The following TSHZ2 variants were observed in gnomAD, a reference collection of about 807,000 sequenced individuals.
The protein encoded by TSHZ2 is teashirt homolog 2.
In TSHZ2, 21 loss-of-function variants were observed where a neutral mutation model predicts 74.4. The ratio of observed to expected loss-of-function variants is 0.28; its 90% confidence interval spans 0.20 to 0.41. The LOEUF is 0.41. Ranked by LOEUF, TSHZ2 falls within the 10% of genes least tolerant of loss-of-function variation. TSHZ2 has a pLI of 1.00. For synonymous variants in TSHZ2, 540 were observed against 515.3 expected (o/e 1.05, Z -0.65); for missense variants, 1,244 against 1,293.5 (o/e 0.96, Z 0.59).
intron 1 of TSHZ2, among the ~76,000 whole-genome samples, chr20:53,013,002 A>G (rs1982909696): frequency 6.6e-6 from 1 of 152,210 alleles, no homozygotes; most frequent in Non-Finnish European, 1.5e-5. Flanking sequence ...CTATCCCTTT[A>G]TGATCTCAGA....
At chr20:53,428,508 A>C (rs1983731356) in intron 2 of TSHZ2, among the ~76,000 whole-genome samples, 1 of 152,192 alleles carries the variant, frequency 6.6e-6, no homozygotes, top group Non-Finnish European at 1.5e-5. Context: ...AACAATTTCC[A>C]AGTGTGGTCT....
chr20:53,348,534 G>A (rs879681346), intron 2 of TSHZ2, among the ~76,000 whole-genome samples: 10 of 125,834 alleles, frequency 7.9e-5, no homozygotes, highest in Non-Finnish European at 1.5e-4. Context: ...GAAAAAAAAA[G>A]AAAAGAAAAA....
chr20:53,312,354 A>G (rs985191572), intron 2 of TSHZ2, among the ~76,000 whole-genome samples: 1 of 152,188 alleles, frequency 6.6e-6, no homozygotes, highest in Non-Finnish European at 1.5e-5. Flanking sequence ...GAAATCTGCC[A>G]CCAGCATGTC....
intron 1 of TSHZ2, among the ~76,000 whole-genome samples, chr20:52,991,859 T>A (rs1278475304): frequency 1.3e-5 from 2 of 151,696 alleles, no homozygotes; most frequent in Non-Finnish European, 2.9e-5. Context: ...GTGGTGGACC[T>A]GGCATGTTCA....
intron 2 of TSHZ2, among the ~76,000 whole-genome samples, chr20:53,359,806 G>C (rs562422873): frequency 6.6e-6 from 1 of 152,206 alleles, no homozygotes; most frequent in African/African-American, 2.4e-5. Context: ...GGAGGGCTTC[G>C]AGCCAGGCTA....
intron 2 of TSHZ2, among the ~76,000 whole-genome samples, chr20:53,331,827 C>T (rs767072640): frequency 6.6e-6 from 1 of 152,006 alleles, no homozygotes; most frequent in Non-Finnish European, 1.5e-5. Flanking sequence ...TTCCTGGTGG[C>T]GGCAGAGCTC....
intron 2 of TSHZ2, among the ~76,000 whole-genome samples, chr20:53,458,873 TTGAG>T (rs1485732021): frequency 6.6e-6 from 1 of 152,122 alleles, no homozygotes; most frequent in African/African-American, 2.4e-5. Flanking sequence ...TTGAGCGGTT[TTGAG>T]TGAGATTCTT....
At chr20:53,447,331 A>G (rs1163769223) in intron 2 of TSHZ2, among the ~76,000 whole-genome samples, 2 of 152,204 alleles carry the variant, frequency 1.3e-5, no homozygotes, top group African/African-American at 2.4e-5. Context: ...CACTTAATAA[A>G]TCCCATGGAA....
chr20:53,446,579 A>G lies in TSHZ2; in HGVS notation c.*9-40565A>G, dbSNP rs1481184933. Among the ~76,000 whole-genome samples, 3 of 34,274 alleles carry G rather than the reference A, an allele frequency of 8.8e-5. No homozygotes were observed. In the African/African-American group the frequency reaches 1.0e-3, roughly 12 times the overall value. The allele number at this position is 34,274 out of a possible 152,430, so 22.5% of individuals were successfully genotyped here. A position where few individuals can be genotyped will look rare whatever the true frequency, so the allele number is the denominator to read the frequency against. ...GGGTGACAGAGCGAGACTCTGTCGC[A>G]AAAAAAAAAAAAAAAAGAGAGAGAA... On this transcript the variant is annotated intron_variant, in intron 2 of 2. Transcript: ENST00000371497.
intron 2 of TSHZ2, among the ~76,000 whole-genome samples, chr20:53,421,026 A>C (rs991405806): frequency 6.6e-6 from 1 of 152,234 alleles, no homozygotes; most frequent in African/African-American, 2.4e-5. Flanking sequence ...GCATAAACTC[A>C]GGACCCTTTC....
intron 1 of TSHZ2, among the ~76,000 whole-genome samples, chr20:53,246,431 T>C (rs992250532): frequency 3.3e-5 from 5 of 152,208 alleles, no homozygotes; most frequent in African/African-American, 4.8e-5. Context: ...TGAGTATACA[T>C]GATTACTTAC....
intron 2 of TSHZ2, among the ~76,000 whole-genome samples, chr20:53,388,866 A>G (rs1982149424): frequency 6.6e-6 from 1 of 152,156 alleles, no homozygotes; most frequent in Non-Finnish European, 1.5e-5. Flanking sequence ...TACAGGCATG[A>G]GCCACCACAC....
intron 2 of TSHZ2, among the ~76,000 whole-genome samples, chr20:53,475,783 G>T (rs1363121269): frequency 1.4e-5 from 2 of 140,666 alleles, no homozygotes; most frequent in South Asian, 2.3e-4. Context: ...AAGAAGAAAA[G>T]AGAGAAGAAT....
At chr20:53,253,301 G>GAAAA (rs11290209) in intron 1 of TSHZ2, among the ~76,000 whole-genome samples, 198 bp from the exon 2 acceptor site, 10 of 97,580 alleles carry the variant, frequency 1.0e-4, no homozygotes, top group East Asian at 3.8e-4. Context: ...CCTGCCAATT[G>GAAAA]AAAAAAAAAA....
At chr20:53,094,404 TG>T (rs1985975642) in intron 1 of TSHZ2, among the ~76,000 whole-genome samples, 1 of 152,216 alleles carries the variant, frequency 6.6e-6, no homozygotes, top group South Asian at 2.1e-4. Flanking sequence ...AGCCACACTT[TG>T]GGAACCAGAG....
intron 1 of TSHZ2, among the ~76,000 whole-genome samples, chr20:53,021,235 T>TC (rs1432029438): frequency 6.6e-6 from 1 of 152,100 alleles, no homozygotes; most frequent in Non-Finnish European, 1.5e-5. Context: ...CCACTTTGGA[T>TC]TTTTTTCTGG....
At chr20:53,243,766 G>A (rs1197190879) in intron 1 of TSHZ2, among the ~76,000 whole-genome samples, 1 of 151,606 alleles carries the variant, frequency 6.6e-6, no homozygotes, top group Non-Finnish European at 1.5e-5. Flanking sequence ...CCTGCTTTCT[G>A]ATAGTGCCAA....
chr20:53,121,441 C>T (rs1013950095), intron 1 of TSHZ2, among the ~76,000 whole-genome samples: 2 of 83,032 alleles, frequency 2.4e-5, no homozygotes, highest in Non-Finnish European at 4.9e-5. Flanking sequence ...TTTCAGTCCA[C>T]TCTGAACAAT....
chr20:53,481,237 C>G (rs779038519), intron 2 of TSHZ2, among the ~76,000 whole-genome samples: 1 of 150,722 alleles, frequency 6.6e-6, no homozygotes, highest in Non-Finnish European at 1.5e-5. Context: ...TCTTTAGGCA[C>G]AGAGAGAAAT....
Sources: allele counts gnomAD v4.1 joint callset (sites outside exome capture counted in the v4.1 genomes callset), GRCh38; gene constraint gnomAD v4.1.1; transcripts MANE v1.5; gene names NCBI Gene and HGNC (gene_info 2026-07-23, HGNC 2026-07-21).